Variants in BCO1 observed in about 807,000 individuals in gnomAD.
BCO1 encodes beta,beta-carotene 15,15'-dioxygenase.
In BCO1, 54 loss-of-function variants were observed where a neutral mutation model predicts 56.3. That is an observed-to-expected ratio of 0.96 (90% confidence interval 0.77 to 1.20). The LOEUF (loss-of-function observed/expected upper bound fraction) is 1.20, where lower values mean the gene tolerates loss of function less well. BCO1 is among the 50% of genes most tolerant of loss of function. BCO1 has a pLI of 0.00. For missense variants in BCO1, 801 were observed against 690.9 expected (o/e 1.16, Z -1.79); for synonymous variants, 318 against 266.1 (o/e 1.20, Z -1.90).
At chr16:81,287,462 A>C (rs1014111621) in intron 10 of BCO1, 56 bp downstream of exon 10, 4 of 1,389,954 alleles carry the variant, frequency 2.9e-6, no homozygotes, top group Non-Finnish European at 4.1e-6. Flanking sequence ...ATCGCCCTCC[A>C]ACAGAGACAC....
intron 7 of BCO1, among the ~76,000 whole-genome samples, chr16:81,274,019 C>T (rs957568477): frequency 7.2e-5 from 11 of 152,154 alleles, no homozygotes; most frequent in African/African-American, 2.4e-4. Flanking sequence ...GCGCCTGCAC[C>T]CCTTGCTCCA....
intron 3 of BCO1, among the ~76,000 whole-genome samples, chr16:81,260,259 G>A (rs1043483465): frequency 6.6e-6 from 1 of 151,222 alleles, no homozygotes; most frequent in Non-Finnish European, 1.5e-5. Flanking sequence ...AAAGGAATGA[G>A]GATGTTCTCT....
chr16:81,272,354 A>C lies in BCO1; in HGVS notation c.1101+1938A>C, dbSNP rs901916508. Reference sequence around the variant, plus strand: ...AGGATGGTCTCAACCTCCTGACCTCATGATCCGCCCGCCTTGGCCTCCCAA... The same window carrying C: ...AGGATGGTCTCAACCTCCTGACCTCCTGATCCGCCCGCCTTGGCCTCCCAA... On this transcript the variant is annotated intron_variant, in intron 7 of 10. Coordinates refer to ENST00000258168, the MANE Select transcript of BCO1 (RefSeq NM_017429.3). Among the ~76,000 whole-genome samples the C allele has an allele frequency of 1.5e-4, 22 of 149,416 alleles. No individual in the cohort carries two copies. The East Asian group carries it at 1.6e-3, about 11-fold the overall frequency.
Position 81,264,735 on chromosome 16 carries a change from G to A in BCO1, c.567G>A (p.Val189=), listed in dbSNP as rs1906704112. The change falls in exon 5 of 11, where the codon GTG becomes GTA. Residue 189 remains valine (V), a synonymous_variant. Transcript: ENST00000258168. ...GNVLNMGTSI[V]EKGKTKYVIF... ...TTCTAAACATGGGCACATCCATTGT[G>A]GAAAAGGGGAAGACAAAGTATGTGA... The A allele has an allele frequency of 6.2e-7, 1 of 1,614,184 alleles. No homozygotes were observed. Among genetic ancestry groups the A allele is most frequent in the South Asian group, 1.1e-5 (1 of 91,084 alleles).
intron 7 of BCO1, among the ~76,000 whole-genome samples, chr16:81,276,999 G>A (rs371800422): frequency 4.0e-5 from 6 of 150,816 alleles, no homozygotes; most frequent in Non-Finnish European, 8.9e-5. Flanking sequence ...CCCGGGAGGC[G>A]GAGGTTGCAG....
At chr16:81,271,473 A>G (rs1186174859) in intron 7 of BCO1, among the ~76,000 whole-genome samples, 1 of 152,094 alleles carries the variant, frequency 6.6e-6, no homozygotes, top group Non-Finnish European at 1.5e-5. Context: ...TTGTGCATCC[A>G]CCACCACGAT....
intron 6 of BCO1, 113 bp from the exon 7 acceptor site, chr16:81,270,046 G>T: frequency 7.4e-7 from 1 of 1,354,668 alleles, no homozygotes; most frequent in South Asian, 1.2e-5. Context: ...GCAGAATGGG[G>T]ACATAGTCCT....
intron 5 of BCO1, among the ~76,000 whole-genome samples, chr16:81,265,185 C>T (rs576449878): frequency 6.6e-6 from 1 of 151,710 alleles, no homozygotes; most frequent in Non-Finnish European, 1.5e-5. Flanking sequence ...CACCTACCCA[C>T]CATTCATCCA....
At chr16:81,251,099 C>G in intron 2 of BCO1, among the ~76,000 whole-genome samples, 1 of 152,170 alleles carries the variant, frequency 6.6e-6, no homozygotes, top group Admixed American at 6.5e-5. Flanking sequence ...AGTGAATAGC[C>G]TTCTGTACCT....
chr16:81,267,656 G>A (rs906840740), intron 5 of BCO1, among the ~76,000 whole-genome samples: 2 of 152,074 alleles, frequency 1.3e-5, no homozygotes, highest in African/African-American at 4.8e-5. Flanking sequence ...GGCTATAGGT[G>A]AAGACCCCTT....
rs1339175805 is a variant in BCO1, at chr16:81,290,380, C to A, written c.1447C>A (p.Pro483Thr). 4 of 1,614,042 alleles carry A rather than the reference C, an allele frequency of 2.5e-6. No homozygotes were observed. Among genetic ancestry groups the A allele is most frequent in the Non-Finnish European group, 3.4e-6 (4 of 1,180,022 alleles). Residue 483 changes from proline to threonine, a missense_variant, in exon 11 of 11, where the codon CCC becomes ACC. Pro to Thr is a conservative substitution (Grantham distance 38). Coordinates refer to ENST00000258168, the MANE Select transcript of BCO1 (RefSeq NM_017429.3). The part of the protein sequence containing the change: ...VILSAIVSTD[P>T]QKLPFLLILD... ...CTTATCAGCCATTGTCTCTACTGAT[C>A]CCCAAAAGCTGCCTTTTCTGCTCAT...
At chr16:81,251,954 C>G (rs1350949569) in intron 2 of BCO1, among the ~76,000 whole-genome samples, 1 of 151,192 alleles carries the variant, frequency 6.6e-6, no homozygotes, top group Non-Finnish European at 1.5e-5. Context: ...CTAGAAGATC[C>G]CAGGCAGGAG....
intron 2 of BCO1, among the ~76,000 whole-genome samples, chr16:81,247,132 C>G (rs563284563): frequency 6.6e-6 from 1 of 152,124 alleles, no homozygotes; most frequent in East Asian, 1.9e-4. Flanking sequence ...ATGGATTTAG[C>G]GGGCTTCGGG....
chr16:81,280,908 GC>G lies in BCO1; in HGVS notation c.1156del (p.Leu386Ter). 1 of 1,614,146 alleles carries G rather than the reference GC, an allele frequency of 6.2e-7. No individual in the cohort carries two copies. Among genetic ancestry groups the G allele is most frequent in the Non-Finnish European group, 8.5e-7 (1 of 1,179,996 alleles). On this transcript the variant is annotated frameshift_variant, in exon 8 of 11. Transcript: ENST00000258168. LOFTEE classifies it high-confidence loss of function. ...LIKVASTTAT[A>X]LKEEDGQVYC... ...CAAAGTGGCATCTACAACAGCCACG[GC>G]CCTGAAGGAAGAAGATGGCCAAGTC...
At chr16:81,249,092 C>CCTTT (rs1905617309) in intron 2 of BCO1, among the ~76,000 whole-genome samples, 1 of 133,466 alleles carries the variant, frequency 7.5e-6, no homozygotes, top group Non-Finnish European at 1.6e-5. Context: ...CTCTTTCTTT[C>CCTTT]TTTTTTTTTT....
intron 7 of BCO1, among the ~76,000 whole-genome samples, chr16:81,270,651 T>G (rs1377378166): frequency 6.7e-6 from 1 of 149,018 alleles, no homozygotes; most frequent in African/African-American, 2.4e-5. Flanking sequence ...AGATGATCAC[T>G]GTGGATATAT....
At chr16:81,279,184 T>C (rs986592407) in intron 7 of BCO1, among the ~76,000 whole-genome samples, 1 of 151,916 alleles carries the variant, frequency 6.6e-6, no homozygotes, top group Non-Finnish European at 1.5e-5. Flanking sequence ...GAGGCTGAGG[T>C]GGAAGGATCA....
At chr16:81,267,299 A>G (rs1279147364) in intron 5 of BCO1, among the ~76,000 whole-genome samples, 1 of 152,134 alleles carries the variant, frequency 6.6e-6, no homozygotes, top group Non-Finnish European at 1.5e-5. Flanking sequence ...GCCCCGCTTG[A>G]CTATCTGCAT....
chr16:81,255,361 A>C (rs1906066582), intron 2 of BCO1, among the ~76,000 whole-genome samples: 1 of 152,180 alleles, frequency 6.6e-6, no homozygotes, highest in South Asian at 2.1e-4. Flanking sequence ...CAATTTTATT[A>C]GCTGGGAAAT....
Sources: allele counts gnomAD v4.1 joint callset (sites outside exome capture counted in the v4.1 genomes callset), GRCh38; gene constraint gnomAD v4.1.1; transcripts MANE v1.5; gene names NCBI Gene and HGNC (gene_info 2026-07-23, HGNC 2026-07-21).